NRXN1: variants seen among roughly 807,000 people sequenced by gnomAD.
The protein encoded by NRXN1 is neurexin 1.
In NRXN1, 39 loss-of-function variants were observed where a neutral mutation model predicts 150.9. The ratio of observed to expected loss-of-function variants is 0.26; its 90% CI spans 0.20 to 0.34. NRXN1 has a LOEUF of 0.34. Among genes scored for constraint, NRXN1 ranks in the 10% least tolerant of loss-of-function variants. The probability of loss-of-function intolerance (pLI) is 1.00; values close to 1 mark genes in which losing one functional copy is unlikely to be tolerated. For missense variants in NRXN1, 1,815 were observed against 1,949.9 expected (o/e 0.93, Z 1.30); for synonymous variants, 924 against 757.0 (o/e 1.22, Z -3.62).
intron 17 of NRXN1, among the ~76,000 whole-genome samples, chr2:50,399,479 T>G (rs189949089): frequency 1.4e-4 from 21 of 152,194 alleles, no homozygotes; most frequent in Admixed American, 1.1e-3. Flanking sequence ...AAAAATAATT[T>G]TAGGCATGTT....
At chr2:50,266,882 A>T (rs2068961082) in intron 17 of NRXN1, among the ~76,000 whole-genome samples, 1 of 152,194 alleles carries the variant, frequency 6.6e-6, no homozygotes, top group Admixed American at 6.6e-5. Context: ...TACTTGGATA[A>T]ACAAGTATAG....
At chr2:50,214,956 C>A (rs1483746576) in intron 18 of NRXN1, among the ~76,000 whole-genome samples, 1 of 151,982 alleles carries the variant, frequency 6.6e-6, no homozygotes, top group Non-Finnish European at 1.5e-5. Flanking sequence ...GGACTCAGCT[C>A]ACTTTAATAT....
chr2:50,913,189 T>A (rs1237772220), intron 5 of NRXN1, among the ~76,000 whole-genome samples: 1 of 151,878 alleles, frequency 6.6e-6, no homozygotes, highest in East Asian at 1.9e-4. Context: ...GCATCAAACA[T>A]TATCTGTTCA....
chr2:50,175,463 T>C, intron 18 of NRXN1, among the ~76,000 whole-genome samples: 1 of 152,112 alleles, frequency 6.6e-6, no homozygotes, highest in East Asian at 1.9e-4. Flanking sequence ...TTTAGGCAGA[T>C]GGAGCATTTC....
At chr2:49,986,519 A>G (rs1289680694) in intron 21 of NRXN1, among the ~76,000 whole-genome samples, 2 of 152,182 alleles carry the variant, frequency 1.3e-5, no homozygotes, top group African/African-American at 4.8e-5. Flanking sequence ...ATCTATTGCA[A>G]TATTTCATGT....
intron 5 of NRXN1, among the ~76,000 whole-genome samples, chr2:50,818,437 T>C (rs1360026410): frequency 6.6e-6 from 1 of 151,962 alleles, no homozygotes; most frequent in Non-Finnish European, 1.5e-5. Context: ...ATATTATAAA[T>C]AAAATTGGTT....
chr2:50,334,545 C>T (rs1156746817), intron 17 of NRXN1, among the ~76,000 whole-genome samples: 2 of 152,074 alleles, frequency 1.3e-5, no homozygotes, highest in African/African-American at 4.8e-5. Context: ...CTACACTGCC[C>T]TAGCACAGAT....
intron 2 of NRXN1, among the ~76,000 whole-genome samples, chr2:50,970,031 C>G (rs755606182): frequency 8.5e-5 from 13 of 152,148 alleles, no homozygotes; most frequent in Non-Finnish European, 1.0e-4. Flanking sequence ...CTCTTTAAGC[C>G]TGCATTCCTT....
chr2:50,278,069 T>A (rs10178455), intron 17 of NRXN1, among the ~76,000 whole-genome samples: 1 of 1,776 alleles, frequency 5.6e-4, no homozygotes, highest in Admixed American at 3.4e-3. Flanking sequence ...CTCTCTCTCT[T>A]TTTTTTTTTT....
chr2:50,272,575 T>C (rs552685927), intron 17 of NRXN1, among the ~76,000 whole-genome samples: 2 of 151,904 alleles, frequency 1.3e-5, no homozygotes, highest in Non-Finnish European at 2.9e-5. Context: ...AACAAGAGTC[T>C]GAAGAAGAGA....
chr2:50,404,894 T>C (rs1000855192), intron 17 of NRXN1, among the ~76,000 whole-genome samples: 13 of 152,072 alleles, frequency 8.5e-5, no homozygotes, highest in East Asian at 3.9e-4. Flanking sequence ...GTTCCTTTCA[T>C]TGAACAGAGT....
At chr2:50,041,142 G>A (rs1338887481) in intron 21 of NRXN1, among the ~76,000 whole-genome samples, 1 of 152,000 alleles carries the variant, frequency 6.6e-6, no homozygotes, top group Non-Finnish European at 1.5e-5. Context: ...CATTTCCTAG[G>A]CTTTATCAAG....
intron 5 of NRXN1, among the ~76,000 whole-genome samples, chr2:50,854,785 G>A (rs552610497): frequency 1.3e-5 from 2 of 152,060 alleles, no homozygotes; most frequent in East Asian, 3.9e-4. Flanking sequence ...GCTAATTCAG[G>A]CACAAGGGAC....
At chr2:50,864,577 G>T (rs1370380844) in intron 5 of NRXN1, among the ~76,000 whole-genome samples, 4 of 151,942 alleles carry the variant, frequency 2.6e-5, no homozygotes, top group African/African-American at 9.7e-5. Context: ...ATTGATAGGA[G>T]ACATTTAAAA....
chr2:50,273,536 T>C (rs1346468164), intron 17 of NRXN1, among the ~76,000 whole-genome samples: 1 of 152,142 alleles, frequency 6.6e-6, no homozygotes, highest in Non-Finnish European at 1.5e-5. Context: ...AATGTGCAAA[T>C]CTCATTTTTA....
intron 2 of NRXN1, among the ~76,000 whole-genome samples, chr2:50,947,683 C>A (rs1194730128): frequency 2.0e-5 from 3 of 151,880 alleles, no homozygotes; most frequent in African/African-American, 7.2e-5. Context: ...TCATAATATT[C>A]CCTTACAGAG....
At chr2:50,954,450 A>G (rs974044425) in intron 2 of NRXN1, among the ~76,000 whole-genome samples, 3 of 152,206 alleles carry the variant, frequency 2.0e-5, no homozygotes, top group African/African-American at 7.2e-5. Context: ...ACAGAGTCCA[A>G]CCCAGAGCGG....
chr2:50,668,246 T>C (rs1274527319), intron 5 of NRXN1, among the ~76,000 whole-genome samples: 1 of 151,910 alleles, frequency 6.6e-6, no homozygotes, highest in African/African-American at 2.4e-5. Context: ...TAAAATAAAA[T>C]AGTGAAATAA....
At chr2:50,247,824 A>G (rs1317157522) in intron 17 of NRXN1, among the ~76,000 whole-genome samples, 1 of 152,130 alleles carries the variant, frequency 6.6e-6, no homozygotes, top group East Asian at 1.9e-4. Flanking sequence ...CTCTTACTTA[A>G]TAATACTACA....
Sources: allele counts gnomAD v4.1 joint callset (sites outside exome capture counted in the v4.1 genomes callset), GRCh38; gene constraint gnomAD v4.1.1; transcripts MANE v1.5; gene names NCBI Gene and HGNC (gene_info 2026-07-23, HGNC 2026-07-21).